PVT1: variants seen among roughly 807,000 people sequenced by gnomAD.
PVT1 encodes the protein Pvt1 oncogene, also known as CXCR4/PVT1 fusion.
intron 3 of PVT1, among the ~76,000 whole-genome samples, chr8:127,970,085 C>T (rs1327521199): frequency 6.6e-6 from 1 of 152,122 alleles, no homozygotes; most frequent in Non-Finnish European, 1.5e-5. Context: ...TGCCCAACCC[C>T]CCTTTGGCTC....
At chr8:128,012,462 G>A (rs1033850472) in intron 4 of PVT1, among the ~76,000 whole-genome samples, 1 of 152,176 alleles carries the variant, frequency 6.6e-6, no homozygotes, top group Non-Finnish European at 1.5e-5. Flanking sequence ...AGAAAATGGA[G>A]GCTTCAAGAG....
In PVT1 at chr8:127,954,295, C is replaced by CTTT. The variant is rs11387135; in HGVS notation, n.783-34849_783-34847dup. ...GTGACTGAGACTCAACAAGTACCCA[C>CTTT]TTTTTTTTTTTTTTTTTTTTGAGAC... On this transcript the variant is annotated intron_variant and non_coding_transcript_variant, in intron 3 of 10. Coordinates refer to ENST00000651587, the Ensembl canonical transcript of PVT1. 1.5e-3 allele frequency among the ~76,000 whole-genome samples: 169 copies of CTTT among 115,958 alleles called. 6 individuals are homozygous for CTTT. The highest frequency in any genetic ancestry group is 3.1e-3 in the East Asian group (13 of 4,130). The allele number at this position is 115,958 out of a possible 152,430, so 76.1% of individuals were successfully genotyped here.
intron 5 of PVT1, among the ~76,000 whole-genome samples, chr8:128,094,975 G>A (rs1027810682): frequency 2.6e-5 from 4 of 152,234 alleles, no homozygotes; most frequent in African/African-American, 9.6e-5. Context: ...AGCCCTGCAT[G>A]ACCAGCCCCG....
In PVT1 at chr8:128,057,186, C is replaced by T. The variant is rs73364057; in HGVS notation, n.913-12974C>T. Among the ~76,000 whole-genome samples the T allele has an allele frequency of 7.6e-3, 1,157 of 152,258 alleles. 17 individuals carry two copies. The highest frequency in any genetic ancestry group is 0.026 in the African/African-American group (1,086 of 41,520). ...TGACCTCATTGCTTTGTAACTTCCC[C>T]GAGGCCTTCCCACTAAGAAAATTAC... On this transcript the variant is annotated intron_variant and non_coding_transcript_variant, in intron 4 of 10. Coordinates refer to ENST00000651587, the Ensembl canonical transcript of PVT1.
intron 5 of PVT1, among the ~76,000 whole-genome samples, chr8:128,071,687 A>AAAATAAAT (rs57815252): frequency 0.052 from 7,252 of 139,760 alleles, 221 homozygotes; most frequent in African/African-American, 0.075. Flanking sequence ...CTCTGTCTCT[A>AAAATAAAT]AAATAAATAA....
At chr8:128,006,906 T>G (rs1817254100) in intron 4 of PVT1, among the ~76,000 whole-genome samples, 1 of 152,214 alleles carries the variant, frequency 6.6e-6, no homozygotes, top group Non-Finnish European at 1.5e-5. Flanking sequence ...CCTTACCTTT[T>G]GACCCCACAA....
At chr8:128,041,034 G>GTGTT (rs566782017) in intron 4 of PVT1, among the ~76,000 whole-genome samples, 1 of 150,086 alleles carries the variant, frequency 6.7e-6, no homozygotes, top group Non-Finnish European at 1.5e-5. Context: ...GCTCGTGTGT[G>GTGTT]TTGAGTGCCT....
chr8:127,876,796 C>G (rs956239018), intron 2 of PVT1, among the ~76,000 whole-genome samples: 1 of 152,194 alleles, frequency 6.6e-6, no homozygotes, highest in Non-Finnish European at 1.5e-5. Context: ...TGTGCCTGCT[C>G]CTGGTCATGG....
In PVT1 at chr8:127,934,716, G is replaced by A. The variant is rs192185645; in HGVS notation, n.782+43718G>A. Reference sequence around the variant, plus strand: ...TAACAGGATGAAGACTTTGTTCCTTGGGGTAAGGGTCTACCTCCAGGTGTG... The same window carrying A: ...TAACAGGATGAAGACTTTGTTCCTTAGGGTAAGGGTCTACCTCCAGGTGTG... On this transcript the variant is annotated intron_variant and non_coding_transcript_variant, in intron 3 of 10. Transcript: ENST00000651587. 9.3e-4 allele frequency among the ~76,000 whole-genome samples: 141 copies of A among 151,962 alleles called. 1 individual carries two copies. Among genetic ancestry groups the A allele is most frequent in the African/African-American group, 3.2e-3 (134 of 41,272 alleles).
intron 2 of PVT1, among the ~76,000 whole-genome samples, chr8:127,834,927 A>G (rs1814893278): frequency 6.6e-6 from 1 of 152,234 alleles, no homozygotes; most frequent in Non-Finnish European, 1.5e-5. Flanking sequence ...AATGGTGATC[A>G]TTAAAAAGTC....
At chr8:127,893,720 C>G (rs1253806314) in intron 3 of PVT1, among the ~76,000 whole-genome samples, 2 of 152,200 alleles carry the variant, frequency 1.3e-5, no homozygotes, top group Non-Finnish European at 2.9e-5. Context: ...CTTGGGCAAA[C>G]TACCTCTGCT....
At chr8:127,938,025 C>T (rs1372748768) in intron 3 of PVT1, among the ~76,000 whole-genome samples, 1 of 152,200 alleles carries the variant, frequency 6.6e-6, no homozygotes, top group Non-Finnish European at 1.5e-5. Context: ...CAAGATCAGT[C>T]TCTTTCCCTC....
intron 2 of PVT1, among the ~76,000 whole-genome samples, chr8:127,820,913 T>G (rs1035892064): frequency 6.6e-6 from 1 of 152,114 alleles, no homozygotes; most frequent in Non-Finnish European, 1.5e-5. Flanking sequence ...TTTACCATGT[T>G]GGCCAGGCTG....
At chr8:128,069,031 GA>G (rs1813948743) in intron 4 of PVT1, among the ~76,000 whole-genome samples, 1 of 152,202 alleles carries the variant, frequency 6.6e-6, no homozygotes, top group African/African-American at 2.4e-5. Flanking sequence ...AAACAAAGTG[GA>G]CTCCAGGGTC....
chr8:127,991,136 CTTTCTTT>C lies in PVT1; in HGVS notation n.912+1849_912+1855del, dbSNP rs1444976810. On this transcript the variant is annotated intron_variant and non_coding_transcript_variant, in intron 4 of 10. Coordinates refer to ENST00000651587, the Ensembl canonical transcript of PVT1. ...CCTACGTAGCTCTTTTTTTTCTTTT[CTTTCTTT>C]TTTTTTTTTTTTTTTTTGAGACGGA... 4.2e-3 allele frequency among the ~76,000 whole-genome samples: 578 copies of C among 136,348 alleles called. 6 individuals are homozygous for C. Among genetic ancestry groups the C allele is most frequent in the Non-Finnish European group, 5.1e-3 (330 of 64,396 alleles). 89.4% of individuals were successfully genotyped at this position (136,348 alleles called of 152,430 possible).
At position 128,001,728 on chromosome 8, in the gene PVT1, A is replaced by G. The variant is rs117334462; in HGVS notation, n.912+12437A>G. Reference sequence around the variant, plus strand: ...TACAAACAACAAAAATTTATTTCTCATAGTTCTCAAAGCTAAAAGTCCAAG... The same window carrying G: ...TACAAACAACAAAAATTTATTTCTCGTAGTTCTCAAAGCTAAAAGTCCAAG... On this transcript the variant is annotated intron_variant and non_coding_transcript_variant, in intron 4 of 10. Coordinates refer to ENST00000651587, the Ensembl canonical transcript of PVT1. Among the ~76,000 whole-genome samples the G allele has an allele frequency of 9.4e-3, 1,436 of 152,304 alleles. 7 individuals are homozygous for G. Among genetic ancestry groups the G allele is most frequent in the Non-Finnish European group, 0.014 (977 of 68,014 alleles).
chr8:127,880,950 G>T (rs1366774103), intron 2 of PVT1, among the ~76,000 whole-genome samples: 1 of 152,196 alleles, frequency 6.6e-6, no homozygotes, highest in Non-Finnish European at 1.5e-5. Context: ...TGCCGGACAC[G>T]CATGGGTTGC....
intron 3 of PVT1, among the ~76,000 whole-genome samples, chr8:127,951,074 T>A (rs1816500010): frequency 6.6e-6 from 1 of 152,048 alleles, no homozygotes; most frequent in Admixed American, 6.5e-5. Context: ...ATTTTTGTAT[T>A]CTTAGTAGAG....
At chr8:127,910,946 G>A (rs1375871134) in intron 3 of PVT1, among the ~76,000 whole-genome samples, 2 of 151,380 alleles carry the variant, frequency 1.3e-5, no homozygotes, top group Non-Finnish European at 2.9e-5. Context: ...TGCATTGTAC[G>A]GTGAAGAGCA....
Sources: allele counts gnomAD v4.1 joint callset (sites outside exome capture counted in the v4.1 genomes callset), GRCh38; gene constraint gnomAD v4.1.1; transcripts MANE v1.5; gene names NCBI Gene and HGNC (gene_info 2026-07-23, HGNC 2026-07-21).